The following UTS2B variants were observed in gnomAD, a reference collection of about 807,000 sequenced individuals.
UTS2B encodes the protein urotensin 2B.
In UTS2B, 21 loss-of-function variants were observed where a neutral mutation model predicts 19.2. The ratio of observed to expected loss-of-function variants is 1.09; its 90% CI spans 0.78 to 1.58. The LOEUF is 1.58. UTS2B is among the 40% of genes most tolerant of loss of function. UTS2B has a pLI of 0.00. For synonymous variants in UTS2B, 57 were observed against 50.2 expected (o/e 1.14, Z -0.58); for missense variants, 138 against 130.3 (o/e 1.06, Z -0.29).
intron 3 of UTS2B, among the ~76,000 whole-genome samples, chr3:191,313,149 C>T (rs11923868): frequency 0.062 from 9,394 of 152,034 alleles, 969 homozygotes; most frequent in African/African-American, 0.21. Flanking sequence ...CACCTGTCAC[C>T]AAGCCTGGCT....
At chr3:191,326,984 G>C (rs1389324876) in intron 2 of UTS2B, among the ~76,000 whole-genome samples, 2 of 152,156 alleles carry the variant, frequency 1.3e-5, no homozygotes, top group African/African-American at 4.8e-5. Context: ...CAATAGTTGT[G>C]GCTATTATAT....
At chr3:191,270,906 C>CA (rs1027655279) in intron 8 of UTS2B, among the ~76,000 whole-genome samples, 16 of 151,528 alleles carry the variant, frequency 1.1e-4, no homozygotes, top group South Asian at 8.3e-4. Context: ...TTAGGCCTCC[C>CA]AAAAAAAACT....
upstream of UTS2B, among the ~76,000 whole-genome samples, chr3:191,332,829 T>C (rs1377494300): frequency 1.3e-5 from 2 of 152,204 alleles, no homozygotes; most frequent in African/African-American, 2.4e-5. Flanking sequence ...AAATGAATTG[T>C]CCACTTGCTG....
At chr3:191,291,645 G>T (rs906793765) in intron 4 of UTS2B, among the ~76,000 whole-genome samples, 6 of 152,018 alleles carry the variant, frequency 3.9e-5, no homozygotes, top group African/African-American at 1.4e-4. Flanking sequence ...GTGGAGACAA[G>T]GTTTCACCAC....
intron 1 of UTS2B, among the ~76,000 whole-genome samples, chr3:191,329,952 G>T (rs1023636180): frequency 1.1e-4 from 16 of 142,498 alleles, no homozygotes; most frequent in Admixed American, 4.9e-4. Context: ...TGGGGGGGGG[G>T]GGGGCTAGCA....
chr3:191,327,758 A>C (rs1717784190), intron 2 of UTS2B, among the ~76,000 whole-genome samples: 1 of 152,230 alleles, frequency 6.6e-6, no homozygotes, highest in South Asian at 2.1e-4. Flanking sequence ...AGAGAAGTAG[A>C]AACGATAGAT....
At chr3:191,310,559 G>A (rs904745347) in intron 3 of UTS2B, among the ~76,000 whole-genome samples, 1 of 152,180 alleles carries the variant, frequency 6.6e-6, no homozygotes, top group Non-Finnish European at 1.5e-5. Context: ...CAATGTTGAT[G>A]CTCTGGCCAT....
At chr3:191,340,887 G>T in the UTS2B span, among the ~76,000 whole-genome samples, 2 of 152,130 alleles carry the variant, frequency 1.3e-5, no homozygotes, top group Admixed American at 6.5e-5. Flanking sequence ...CCAGGCTGGC[G>T]TGCAGTGGTG....
intron 2 of UTS2B, among the ~76,000 whole-genome samples, chr3:191,321,689 T>C (rs1717613865): frequency 6.6e-6 from 1 of 152,232 alleles, no homozygotes; most frequent in African/African-American, 2.4e-5. Flanking sequence ...CTAATAAATG[T>C]GTATGTGTAC....
chr3:191,329,409 A>C, intron 1 of UTS2B: 7 of 399,914 alleles, frequency 1.8e-5, no homozygotes, highest in Non-Finnish European at 1.8e-5. Flanking sequence ...CGGGCTCCGG[A>C]TATTTGGTAT....
At chr3:191,325,164 A>G (rs570450644) in intron 2 of UTS2B, among the ~76,000 whole-genome samples, 2 of 152,224 alleles carry the variant, frequency 1.3e-5, no homozygotes, top group Non-Finnish European at 2.9e-5. Context: ...CTGTGATGAC[A>G]GAGAGTGAGA....
the UTS2B span, among the ~76,000 whole-genome samples, chr3:191,343,940 A>G: frequency 6.6e-6 from 1 of 152,218 alleles, no homozygotes; most frequent in African/African-American, 2.4e-5. Context: ...AGTGGTTGCT[A>G]GATAAATGTA....
At chr3:191,275,605 A>G (rs529823333) in intron 7 of UTS2B, among the ~76,000 whole-genome samples, 13 of 152,160 alleles carry the variant, frequency 8.5e-5, no homozygotes, top group Admixed American at 2.6e-4. Flanking sequence ...GCGTGAACCC[A>G]GGAGGTGGAG....
At chr3:191,329,817 C>T in intron 1 of UTS2B, 1 of 1,365,116 alleles carries the variant, frequency 7.3e-7, no homozygotes. Flanking sequence ...GCTCCCGCGG[C>T]CCTCGCCCGG....
intron 6 of UTS2B, 86 bp from the exon 7 acceptor site, chr3:191,276,930 A>T (rs898757688): frequency 8.4e-7 from 1 of 1,195,076 alleles, no homozygotes; most frequent in East Asian, 2.4e-5. Flanking sequence ...GATCTTACGT[A>T]GAAAGCATAG....
At chr3:191,311,964 AC>A (rs1364682727) in intron 3 of UTS2B, among the ~76,000 whole-genome samples, 9 of 151,012 alleles carry the variant, frequency 6.0e-5, no homozygotes, top group African/African-American at 2.2e-4. Flanking sequence ...GCATAATGAA[AC>A]CCATCTCTAC....
intron 4 of UTS2B, 54 bp downstream of exon 4, chr3:191,304,438 G>C (rs973405194): frequency 6.6e-6 from 1 of 152,190 alleles, no homozygotes; most frequent in Admixed American, 6.5e-5. Context: ...TAACTAGCTA[G>C]TTAACATATT....
At chr3:191,341,990 C>T in the UTS2B span, among the ~76,000 whole-genome samples, 5 of 152,174 alleles carry the variant, frequency 3.3e-5, no homozygotes, top group East Asian at 5.8e-4. Flanking sequence ...GAAGTATCCT[C>T]CTAGGTTGTA....
At position 191,281,015 on chromosome 3, in the gene UTS2B, A is replaced by G. The variant is rs116680566; in HGVS notation, c.103+1072T>C. 2.3e-3 allele frequency among the ~76,000 whole-genome samples: 353 copies of G among 152,316 alleles called. 1 individual carries two copies. Among genetic ancestry groups the G allele is most frequent in the Middle Eastern group, 6.8e-3 (2 of 294 alleles). On this transcript the variant is annotated intron_variant, in intron 5 of 8. Coordinates refer to ENST00000340524, the MANE Select transcript of UTS2B (RefSeq NM_198152.5). The stretch of plus-strand genomic sequence containing the variant: ...CAATGGGAAAAATCCTCATAAATAA[A>G]TAATAAGGGATTATGCAATTTTATT...
Sources: gnomAD v4.1 joint callset for allele counts (sites outside exome capture counted in the v4.1 genomes callset) on GRCh38, gnomAD v4.1.1 for gene constraint, MANE v1.5 for transcripts, NCBI Gene and HGNC (gene_info 2026-07-23, HGNC 2026-07-21) for gene names.